The following AP5M1 variants were observed in gnomAD, a reference collection of about 807,000 sequenced individuals.
The protein encoded by AP5M1 is adaptor related protein complex 5 subunit mu 1.
Under a neutral mutation model 52.3 loss-of-function variants are expected in AP5M1, and 44 were observed. The ratio of observed to expected loss-of-function variants is 0.84; its 90% CI spans 0.66 to 1.08. The LOEUF is 1.08. Among genes scored for constraint, AP5M1 ranks in the 50% least tolerant of loss-of-function variants. AP5M1 has a pLI of 0.00. For synonymous variants in AP5M1, 213 were observed against 199.0 expected, an observed-to-expected ratio of 1.07 and a Z score of -0.59; for missense variants, 526 against 568.4, an observed-to-expected ratio of 0.93 and a Z score of 0.76.
intron 3 of AP5M1, among the ~76,000 whole-genome samples, chr14:57,280,752 G>A (rs1293915638): frequency 2.0e-5 from 3 of 151,986 alleles, no homozygotes; most frequent in Non-Finnish European, 2.9e-5. Flanking sequence ...TTGGGTGGCC[G>A]AGGCAGGAGA....
chr14:57,282,888 T>A, intron 4 of AP5M1, 46 bp from the exon 5 acceptor site: 1 of 1,334,056 alleles, frequency 7.5e-7, no homozygotes, highest in Non-Finnish European at 1.0e-6. Context: ...CTCTTAAAAC[T>A]GTTATATCTA....
intron 2 of AP5M1, chr14:57,275,176 C>A (rs555092973): frequency 9.8e-6 from 4 of 408,558 alleles, no homozygotes. Context: ...GGTAGAATCA[C>A]TCATGAAGTT....
chr14:57,294,682 G>C lies in AP5M1; in HGVS notation c.*5798G>C, dbSNP rs541499586. On this transcript the variant is annotated 3_prime_UTR_variant, in exon 8 of 8. Coordinates refer to ENST00000261558, the MANE Select transcript of AP5M1 (RefSeq NM_018229.4). ...ACTACTTAGCTGGGGCTCTTTAAAT[G>C]TTGGAACTATAGTAACACACATTCC... is the stretch of plus-strand genomic sequence containing the variant. The C allele has an allele frequency of 1.1e-4, 17 of 151,974 alleles. No individual in the cohort carries two copies. Among genetic ancestry groups the C allele is most frequent in the African/African-American group, 4.1e-4 (17 of 41,502 alleles). 9.4% of individuals were successfully genotyped at this position (151,974 alleles called of 1,614,324 possible).
At chr14:57,273,155 G>T (rs149850883) in intron 1 of AP5M1, among the ~76,000 whole-genome samples, 2,460 of 152,184 alleles carry the variant, frequency 0.016, 39 homozygotes, top group Non-Finnish European at 0.023. Context: ...GGCCAGGCTG[G>T]TCTCAAACTC....
At chr14:57,284,527 G>C (rs182021409) in intron 6 of AP5M1, among the ~76,000 whole-genome samples, 175 of 152,214 alleles carry the variant, frequency 1.1e-3, no homozygotes, top group Non-Finnish European at 2.1e-3. Context: ...ATTGTAATAA[G>C]TTAATAATGC....
At position 57,282,134 on chromosome 14, in the gene AP5M1, GA is replaced by G; in HGVS notation, c.996del (p.Val333TyrfsTer3). The G allele has an allele frequency of 6.3e-7, 1 of 1,578,744 alleles. No individual in the cohort carries two copies. The highest frequency in any genetic ancestry group is 8.6e-7 in the Non-Finnish European group (1 of 1,167,416). Reference protein sequence around the residue: ...ILGFYQMKEEEVQLRITINLK... With the variant: ...ILGFYQMKEEXVQLRITINLK... Reference sequence around the variant, plus strand: ...GGGTTTTTATCAAATGAAGGAGGAAGAAGTACAACTAAGAATAACCATTAAT... The same window carrying G: ...GGGTTTTTATCAAATGAAGGAGGAAGAGTACAACTAAGAATAACCATTAAT... On this transcript the variant is annotated frameshift_variant, in exon 4 of 8. Transcript: ENST00000261558. LOFTEE classifies it high-confidence loss of function.
chr14:57,280,392 G>A lies in AP5M1; in HGVS notation c.918G>A (p.Glu306=), dbSNP rs760149340. 1.9e-6 allele frequency: 3 copies of A among 1,613,414 alleles called. No individual in the cohort carries two copies. In the South Asian group the frequency reaches 3.3e-5, roughly 18 times the overall value. Reference sequence around the variant, plus strand: ...AATTTCCATTCACTCCACCTTTAGAGTCATTCAACTTATGCTTCTACACTT... The same window carrying A: ...AATTTCCATTCACTCCACCTTTAGAATCATTCAACTTATGCTTCTACACTT... ...PYKFPFTPPL[E]SFNLCFYTSQ... is the part of the protein sequence containing the mutation. Residue 306 remains glutamate, a synonymous_variant, in exon 3 of 8, where the codon GAG becomes GAA. Transcript: ENST00000261558.
At chr14:57,278,602 AGCAAAG>A (rs1409281974) in intron 2 of AP5M1, 1 of 152,258 alleles carries the variant, frequency 6.6e-6, no homozygotes, top group African/African-American at 2.4e-5. Flanking sequence ...TTCTCTACAT[AGCAAAG>A]GTAGGCTGTA....
intron 2 of AP5M1, among the ~76,000 whole-genome samples, chr14:57,276,729 C>G (rs1885048668): frequency 6.6e-6 from 1 of 151,084 alleles, no homozygotes; most frequent in African/African-American, 2.4e-5. Flanking sequence ...CCAGTTTACT[C>G]TTAGGAGAAT....
At chr14:57,275,899 T>C (rs1440339169) in intron 2 of AP5M1, among the ~76,000 whole-genome samples, 2 of 152,196 alleles carry the variant, frequency 1.3e-5, no homozygotes, top group Non-Finnish European at 2.9e-5. Context: ...TTTATATTAA[T>C]AGTATTCTCA....
intron 1 of AP5M1, among the ~76,000 whole-genome samples, chr14:57,270,677 A>G (rs1406673607): frequency 6.6e-6 from 1 of 152,206 alleles, no homozygotes; most frequent in South Asian, 2.1e-4. Context: ...ATCAGTCCGT[A>G]CAAAGTATCT....
chr14:57,272,124 C>T (rs1215008173), intron 1 of AP5M1, among the ~76,000 whole-genome samples: 1 of 152,056 alleles, frequency 6.6e-6, no homozygotes, highest in African/African-American at 2.4e-5. Context: ...TCACTGTGTT[C>T]AGGATATTAT....
At chr14:57,270,198 A>C (rs894273721) in intron 1 of AP5M1, among the ~76,000 whole-genome samples, 1 of 152,242 alleles carries the variant, frequency 6.6e-6, no homozygotes, top group Non-Finnish European at 1.5e-5. Flanking sequence ...AAACACAAAA[A>C]AATGTATTCA....
chr14:57,286,451 T>G, intron 7 of AP5M1, 132 bp downstream of exon 7: 1 of 648,856 alleles, frequency 1.5e-6, no homozygotes, highest in Non-Finnish European at 2.7e-6. Flanking sequence ...TCTGGGCTGA[T>G]TCTACCCCAC....
At position 57,286,233 on chromosome 14, in the gene AP5M1, G is replaced by A. The variant is rs1459220814; in HGVS notation, c.1304G>A (p.Arg435Lys). 1 of 1,603,848 alleles carries A rather than the reference G, an allele frequency of 6.2e-7. No individual in the cohort carries two copies. The highest frequency in any genetic ancestry group is 8.5e-7 in the Non-Finnish European group (1 of 1,172,814). The stretch of plus-strand genomic sequence containing the variant: ...CTCTCTTCTTTCTAGCTTCATTTTA[G>A]GATCTTAGATTACACACTTACTGGA... ...GETAYLKLHF[R>K]ILDYTLTGCY... The change falls in exon 7 of 8, where the codon AGG (arginine) becomes AAG (lysine). Residue 435 changes from arginine (R) to lysine (K), a missense_variant. By Grantham distance (26) the Arg-to-Lys change is conservative. Coordinates refer to ENST00000261558, the MANE Select transcript of AP5M1 (RefSeq NM_018229.4).
intron 2 of AP5M1, among the ~76,000 whole-genome samples, chr14:57,279,388 A>G (rs531061465): frequency 1.3e-5 from 2 of 152,346 alleles, no homozygotes; most frequent in Non-Finnish European, 2.9e-5. Flanking sequence ...ATGGACGTAG[A>G]TGGAGTTGGA....
chr14:57,271,411 A>G (rs757833344), intron 1 of AP5M1: 2 of 152,254 alleles, frequency 1.3e-5, no homozygotes, highest in Non-Finnish European at 2.9e-5. Context: ...ATTTTTGCCA[A>G]TAAAGAACAT....
In AP5M1 at chr14:57,274,404, A is replaced by G; in HGVS notation, c.235A>G (p.Asn79Asp). ...GAGTCGTGATAGCTGTTCACGCATC[A>G]ATAAAACATCCATTTATGGACTCCT... ...VESRDSCSRI[N>D]KTSIYGLLIG... Residue 79 changes from asparagine to aspartate, a missense_variant, in exon 2 of 8, where the codon AAT becomes GAT. By Grantham distance (23) the Asn-to-Asp change is conservative. This residue lies in a region of AP5M1 where 425 missense variants were observed against 430.6 expected (regional missense o/e 0.99). Transcript: ENST00000261558. The G allele has an allele frequency of 6.2e-7, 1 of 1,614,184 alleles. No individual in the cohort carries two copies. The highest frequency in any genetic ancestry group is 8.5e-7 in the Non-Finnish European group (1 of 1,180,022).
At chr14:57,286,678 T>C (rs1256399848) in intron 7 of AP5M1, 1 of 174,156 alleles carries the variant, frequency 5.7e-6, no homozygotes, top group African/African-American at 2.4e-5. Context: ...TTGGGCAAGT[T>C]AGCGAACTTC....
Sources: gnomAD v4.1 joint callset for allele counts (sites outside exome capture counted in the v4.1 genomes callset) on GRCh38, gnomAD v4.1.1 for gene constraint, gnomAD v4.1.1 regional missense constraint, MANE v1.5 for transcripts, NCBI Gene and HGNC (gene_info 2026-07-23, HGNC 2026-07-21) for gene names.